The following ATAD2B variants were observed in gnomAD, a reference collection of about 807,000 sequenced individuals.
The protein encoded by ATAD2B is ATPase family AAA domain containing 2B.
ATAD2B carries 40 observed loss-of-function variants against 167.6 expected under a neutral mutation model. That is an observed-to-expected ratio of 0.24 (90% confidence interval 0.19 to 0.31). ATAD2B has a LOEUF of 0.31. ATAD2B is among the 10% of genes least tolerant of loss of function. The probability of loss-of-function intolerance (pLI) is 1.00; values close to 1 mark genes in which losing one functional copy is unlikely to be tolerated. For missense variants in ATAD2B, 1,242 were observed against 1,757.2 expected, an observed-to-expected ratio of 0.71 and a Z score of 5.24; for synonymous variants, 579 against 596.5, an observed-to-expected ratio of 0.97 and a Z score of 0.43.
chr2:23,873,517 C>CA (rs775823878), intron 8 of ATAD2B, among the ~76,000 whole-genome samples: 2 of 152,136 alleles, frequency 1.3e-5, no homozygotes, highest in Non-Finnish European at 2.9e-5. Flanking sequence ...GAAAATTTAT[C>CA]AAAGACTTAA....
chr2:23,906,483 T>G (rs959217962), intron 1 of ATAD2B, among the ~76,000 whole-genome samples: 16 of 152,094 alleles, frequency 1.1e-4, no homozygotes, highest in Non-Finnish European at 1.8e-4. Context: ...CCTGGTCGAT[T>G]TGGGGTGGAG....
intron 19 of ATAD2B, among the ~76,000 whole-genome samples, chr2:23,792,776 C>T (rs911981828): frequency 6.6e-6 from 1 of 151,542 alleles, no homozygotes; most frequent in Non-Finnish European, 1.5e-5. Context: ...TACTGGCTAA[C>T]ACAGTGAAAT....
chr2:23,845,804 T>C (rs1691695909), intron 13 of ATAD2B, among the ~76,000 whole-genome samples: 2 of 149,362 alleles, frequency 1.3e-5, no homozygotes, highest in Admixed American at 1.3e-4. Flanking sequence ...GGTCTCAAAT[T>C]CCTGGGCTCA....
At position 23,842,734 on chromosome 2, in the gene ATAD2B, C is replaced by G. The variant is rs868724589; in HGVS notation, c.1569-8656G>C. ...GTAAGGACACCCCAAACTCAGTCTA[C>G]CCAGATCTCTAGCTGGTCCTGAACA... On this transcript the variant is annotated intron_variant, in intron 13 of 27. Transcript: ENST00000238789. Among the ~76,000 whole-genome samples, 15 of 152,208 alleles carry G rather than the reference C, an allele frequency of 9.9e-5. No homozygotes were observed. In the Middle Eastern group the frequency reaches 0.01, roughly 104 times the overall value.
chr2:23,727,359 A>T, the ATAD2B span, among the ~76,000 whole-genome samples: 1 of 152,190 alleles, frequency 6.6e-6, no homozygotes, highest in Admixed American at 6.6e-5. Context: ...TTACAAATTA[A>T]AACAACAAAA....
intron 24 of ATAD2B, among the ~76,000 whole-genome samples, chr2:23,760,699 TACACACACAC>T (rs1238984150): frequency 2.4e-5 from 3 of 123,700 alleles, no homozygotes; most frequent in African/African-American, 9.1e-5. Flanking sequence ...TTTATATATA[TACACACACAC>T]ACACACACAC....
At chr2:23,703,433 T>C in the ATAD2B span, 7 of 1,377,446 alleles carry the variant, frequency 5.1e-6, no homozygotes, top group South Asian at 1.5e-5. Context: ...CCTGCCTTGC[T>C]GATTTGTTCA....
chr2:23,807,828 AATAT>A (rs1382797971), intron 18 of ATAD2B, among the ~76,000 whole-genome samples: 2 of 119,040 alleles, frequency 1.7e-5, no homozygotes, highest in African/African-American at 6.8e-5. Context: ...AAAAAAAAAA[AATAT>A]ATATATATAT....
chr2:23,703,684 G>A, the ATAD2B span: 3 of 1,507,834 alleles, frequency 2.0e-6, no homozygotes, highest in Non-Finnish European at 1.8e-6. Context: ...TCCAAGACAA[G>A]CTGCCGTGAC....
At chr2:23,685,814 T>A in the ATAD2B span, among the ~76,000 whole-genome samples, 1 of 152,172 alleles carries the variant, frequency 6.6e-6, no homozygotes, top group Admixed American at 6.5e-5. Flanking sequence ...GTGCTGCCAC[T>A]CTTGACAAAT....
At chr2:23,806,562 A>T (rs1433103674) in intron 18 of ATAD2B, among the ~76,000 whole-genome samples, 4 of 152,140 alleles carry the variant, frequency 2.6e-5, no homozygotes, top group African/African-American at 9.7e-5. Flanking sequence ...TTTATTTTCT[A>T]GAAGAAACAG....
At chr2:23,844,923 T>C (rs1470260105) in intron 13 of ATAD2B, among the ~76,000 whole-genome samples, 1 of 148,682 alleles carries the variant, frequency 6.7e-6, no homozygotes, top group Non-Finnish European at 1.5e-5. Flanking sequence ...CACCAAGATA[T>C]ATCATTAAAT....
chr2:23,810,373 T>C lies in ATAD2B; in HGVS notation c.2397A>G (p.Leu799=). Residue 799 remains leucine (L), a synonymous_variant, in exon 18 of 28, where the codon CTA becomes CTG. Coordinates refer to ENST00000238789, the MANE Select transcript of ATAD2B (RefSeq NM_017552.4). ...HTLERFSVHR[L]DLPALYSVSA... is the part of the protein sequence containing the mutation. Reference sequence around the variant, plus strand: ...TAACTGAATAAAGTGCTGGGAGATCTAGTCTATGCACAGAGAATCTTTCTA... The same window carrying C: ...TAACTGAATAAAGTGCTGGGAGATCCAGTCTATGCACAGAGAATCTTTCTA... 6.2e-7 allele frequency: 1 copy of C among 1,613,976 alleles called. No individual in the cohort carries two copies. The highest frequency in any genetic ancestry group is 2.2e-5 in the East Asian group (1 of 44,876).
intron 1 of ATAD2B, among the ~76,000 whole-genome samples, chr2:23,920,192 A>G (rs1703705334): frequency 6.6e-6 from 1 of 152,050 alleles, no homozygotes; most frequent in African/African-American, 2.4e-5. Context: ...TGACTGACAC[A>G]TGCTGTTCTA....
intron 12 of ATAD2B, among the ~76,000 whole-genome samples, chr2:23,863,077 C>T (rs1052585006): frequency 2.6e-5 from 4 of 152,108 alleles, no homozygotes; most frequent in Admixed American, 6.6e-5. Context: ...ATATTCTCAG[C>T]AGGCAGATTG....
chr2:23,737,204 T>G, the ATAD2B span, among the ~76,000 whole-genome samples: 16 of 152,180 alleles, frequency 1.1e-4, no homozygotes, highest in South Asian at 2.1e-4. Context: ...AGAGTAGTGG[T>G]TCTCCAAGCA....
At chr2:23,736,222 A>G in the ATAD2B span, among the ~76,000 whole-genome samples, 1 of 151,452 alleles carries the variant, frequency 6.6e-6, no homozygotes, top group South Asian at 2.1e-4. Flanking sequence ...CAGTTCCATA[A>G]AGGAACCCCC....
At chr2:23,695,841 G>C in the ATAD2B span, 1 of 1,542,154 alleles carries the variant, frequency 6.5e-7, no homozygotes, top group South Asian at 1.2e-5. This position sits in a 1 kb window ranked among gnomAD's most constrained non-coding sequence, Gnocchi z 7.6. Flanking sequence ...GGCACGCCCC[G>C]AACCTCCCAA....
chr2:23,863,909 T>C (rs1694782447), intron 11 of ATAD2B, among the ~76,000 whole-genome samples: 1 of 152,144 alleles, frequency 6.6e-6, no homozygotes, highest in African/African-American at 2.4e-5. Flanking sequence ...TCCATATCCT[T>C]AAAAACGTGA....
Sources: allele counts gnomAD v4.1 joint callset (sites outside exome capture counted in the v4.1 genomes callset), GRCh38; gene constraint gnomAD v4.1.1; non-coding constraint Gnocchi (gnomAD v3.1); transcripts MANE v1.5; gene names NCBI Gene and HGNC (gene_info 2026-07-23, HGNC 2026-07-21).